ADGRG7: variants seen among roughly 807,000 people sequenced by gnomAD.
ADGRG7 encodes adhesion G protein-coupled receptor G7.
In ADGRG7, 82 loss-of-function variants were observed where a neutral mutation model predicts 88.6. The ratio of observed to expected loss-of-function variants is 0.93; its 90% CI spans 0.77 to 1.11. ADGRG7 has a LOEUF of 1.11. Ranked by LOEUF, ADGRG7 falls within the 50% of genes most tolerant of loss-of-function variation. The probability of loss-of-function intolerance (pLI) is 0.00; values close to 1 mark genes in which losing one functional copy is unlikely to be tolerated. For missense variants in ADGRG7, 945 were observed against 953.4 expected, an observed-to-expected ratio of 0.99 and a Z score of 0.12; for synonymous variants, 381 against 345.2, an observed-to-expected ratio of 1.10 and a Z score of -1.15.
intron 1 of ADGRG7, 67 bp from the exon 2 acceptor site, chr3:100,629,531 C>A (rs1233169867): frequency 2.8e-6 from 3 of 1,071,036 alleles, no homozygotes; most frequent in Non-Finnish European, 4.3e-6. Context: ...AATTAAGTGG[C>A]CACAGGCATG....
chr3:100,624,385 ATTGT>A (rs1347100651), intron 1 of ADGRG7, among the ~76,000 whole-genome samples: 8 of 151,672 alleles, frequency 5.3e-5, no homozygotes, highest in Non-Finnish European at 1.0e-4. Context: ...TTTTGATAGG[ATTGT>A]TTGTTTTTTT....
chr3:100,633,917 TA>T (rs1397865437), intron 4 of ADGRG7, among the ~76,000 whole-genome samples: 1 of 152,166 alleles, frequency 6.6e-6, no homozygotes, highest in Non-Finnish European at 1.5e-5. Flanking sequence ...AATAGCACAT[TA>T]AAAATGGCTT....
intron 15 of ADGRG7, among the ~76,000 whole-genome samples, chr3:100,673,282 G>T (rs2094960956): frequency 6.6e-6 from 1 of 152,030 alleles, no homozygotes; most frequent in South Asian, 2.1e-4. Context: ...ACTTCCTCCT[G>T]GTTTAGACTT....
chr3:100,678,358 C>T (rs4450861), intron 15 of ADGRG7, among the ~76,000 whole-genome samples: 4,972 of 152,046 alleles, frequency 0.033, 274 homozygotes, highest in African/African-American at 0.11. Context: ...TTTTGTTGTG[C>T]TTCCTCAAAA....
chr3:100,673,018 TTTTG>T (rs1208889137), intron 15 of ADGRG7, among the ~76,000 whole-genome samples: 1 of 151,940 alleles, frequency 6.6e-6, no homozygotes, highest in Non-Finnish European at 1.5e-5. Flanking sequence ...CTGAAATTTT[TTTTG>T]TGTGTGTGTG....
At chr3:100,659,199 G>A (rs962464260) in intron 13 of ADGRG7, among the ~76,000 whole-genome samples, 1 of 151,998 alleles carries the variant, frequency 6.6e-6, no homozygotes, top group African/African-American at 2.4e-5. Context: ...TTGGGAGGCC[G>A]AGGTGGGTGG....
intron 4 of ADGRG7, among the ~76,000 whole-genome samples, chr3:100,635,147 C>T (rs952435342): frequency 3.9e-5 from 6 of 152,066 alleles, no homozygotes; most frequent in Non-Finnish European, 7.4e-5. Context: ...GAGGTCATCT[C>T]GGCCAGTGCC....
intron 6 of ADGRG7, among the ~76,000 whole-genome samples, chr3:100,638,071 A>T (rs1707576274): frequency 6.6e-6 from 1 of 152,220 alleles, no homozygotes; most frequent in African/African-American, 2.4e-5. Context: ...ATGCTCTCTT[A>T]GCTCCACCAT....
chr3:100,655,743 C>A (rs2094936734), intron 12 of ADGRG7, among the ~76,000 whole-genome samples, 156 bp from the exon 13 acceptor site: 1 of 152,216 alleles, frequency 6.6e-6, no homozygotes, highest in African/African-American at 2.4e-5. Context: ...ATTATGTCCA[C>A]TGTCGACCCA....
intron 1 of ADGRG7, among the ~76,000 whole-genome samples, chr3:100,618,349 G>A (rs1707256422): frequency 6.6e-6 from 1 of 152,102 alleles, no homozygotes; most frequent in African/African-American, 2.4e-5. Context: ...TATGGTTTTA[G>A]GTCTAACATT....
At chr3:100,687,113 T>C (rs938078848) in intron 15 of ADGRG7, among the ~76,000 whole-genome samples, 6 of 152,208 alleles carry the variant, frequency 3.9e-5, no homozygotes, top group African/African-American at 1.4e-4. Context: ...GTACATTAGA[T>C]TCCTAGGTAT....
chr3:100,654,773 G>A (rs2094935195), intron 11 of ADGRG7, 62 bp from the exon 12 acceptor site: 2 of 1,035,366 alleles, frequency 1.9e-6, no homozygotes, highest in South Asian at 1.7e-5. Flanking sequence ...TTTCACTGCA[G>A]TTTGTTTTGT....
rs147701097 is a variant in ADGRG7, at chr3:100,622,899, G to A, written c.116-6699G>A. On this transcript the variant is annotated intron_variant, in intron 1 of 15. Transcript: ENST00000273352. ...GCCTCAGCTGGGACTACAGGCATGCGTCACCATGCCCGGAAAATTTTTGTT... is the reference window on the plus strand; with the variant it reads ...GCCTCAGCTGGGACTACAGGCATGCATCACCATGCCCGGAAAATTTTTGTT... 4.4e-3 allele frequency among the ~76,000 whole-genome samples: 664 copies of A among 151,034 alleles called. 5 individuals carry two copies. The highest frequency in any genetic ancestry group is 5.4e-3 in the Non-Finnish European group (363 of 67,844).
At chr3:100,636,753 AG>A (rs1176158742) in intron 5 of ADGRG7, among the ~76,000 whole-genome samples, 1 of 152,226 alleles carries the variant, frequency 6.6e-6, no homozygotes, top group African/African-American at 2.4e-5. Flanking sequence ...AATTAATGGA[AG>A]GATTAACAAG....
rs544656027 is a variant in ADGRG7 at position 100,693,719 on chromosome 3, C to A, written c.2137-1025C>A. Among the ~76,000 whole-genome samples, 5 of 152,204 alleles carry A rather than the reference C, an allele frequency of 3.3e-5. No individual in the cohort carries two copies. In the East Asian group the frequency reaches 9.6e-4, roughly 29 times the overall value. Reference sequence around the variant, plus strand: ...AAAATTTTGGAAAAATAGTATAGCTCCCACATATTCTTTGTCCAGCTTTCC... The same window carrying A: ...AAAATTTTGGAAAAATAGTATAGCTACCACATATTCTTTGTCCAGCTTTCC... On this transcript the variant is annotated intron_variant, in intron 15 of 15. Transcript: ENST00000273352.
intron 8 of ADGRG7, among the ~76,000 whole-genome samples, chr3:100,645,681 A>G (rs1707731920): frequency 6.6e-6 from 1 of 152,142 alleles, no homozygotes; most frequent in Admixed American, 6.5e-5. Flanking sequence ...TTTGAGGTGG[A>G]CTAGGCAGAA....
At chr3:100,691,609 A>G (rs9838809) in intron 15 of ADGRG7, among the ~76,000 whole-genome samples, 49,577 of 150,792 alleles carry the variant, frequency 0.33, 8,652 homozygotes, top group East Asian at 0.53. Flanking sequence ...TCCCATGTAC[A>G]CTTTACTCAA....
At chr3:100,627,025 A>G (rs1407668269) in intron 1 of ADGRG7, among the ~76,000 whole-genome samples, 1 of 152,188 alleles carries the variant, frequency 6.6e-6, no homozygotes, top group African/African-American at 2.4e-5. Flanking sequence ...ATTTGATGAT[A>G]TCATCTGCAA....
At chr3:100,657,581 G>A (rs190154662) in intron 13 of ADGRG7, among the ~76,000 whole-genome samples, 73 of 152,290 alleles carry the variant, frequency 4.8e-4, no homozygotes, top group Admixed American at 2.3e-3. Context: ...TAATTGGGGG[G>A]AAATTTTTCA....
Sources: gnomAD v4.1 joint callset for allele counts (sites outside exome capture counted in the v4.1 genomes callset) on GRCh38, gnomAD v4.1.1 for gene constraint, MANE v1.5 for transcripts, NCBI Gene and HGNC (gene_info 2026-07-23, HGNC 2026-07-21) for gene names.